The following DNAH9 variants were observed in gnomAD, a reference collection of about 807,000 sequenced individuals.
DNAH9 encodes DNAH9 variant protein.
A neutral mutation model predicts 471.6 loss-of-function variants in DNAH9; 345 were observed. That is an observed-to-expected ratio of 0.73 (90% CI 0.67 to 0.80). The LOEUF (loss-of-function observed/expected upper bound fraction) is 0.80. Among genes scored for constraint, DNAH9 ranks in the 30% least tolerant of loss-of-function variants. The pLI, the probability that DNAH9 is intolerant of heterozygous loss-of-function variation, is 0.00. For missense variants in DNAH9, 5,407 were observed against 5,609.2 expected, an observed-to-expected ratio of 0.96 and a Z score of 1.15; for synonymous variants, 2,093 against 2,123.6, an observed-to-expected ratio of 0.99 and a Z score of 0.40.
Position 11,892,313 on chromosome 17 carries a change from G to A in DNAH9, c.11283+366G>A, listed in dbSNP as rs181666534. On this transcript the variant is annotated intron_variant, in intron 58 of 68. Transcript: ENST00000262442. This position sits in a 1 kb window ranked among gnomAD's most constrained non-coding sequence, Gnocchi z 4.3. ...TTTTTGAAATGCTGTAAGAAATTTG[G>A]TAGAGTATCCATCATTGTTTATTTA... Among the ~76,000 whole-genome samples the A allele has an allele frequency of 3.3e-5, 5 of 152,286 alleles. No homozygotes were observed. The highest frequency in any genetic ancestry group is 3.3e-4 in the Admixed American group (5 of 15,300).
intron 67 of DNAH9, among the ~76,000 whole-genome samples, chr17:11,945,815 T>A (rs1035047349): frequency 1.3e-5 from 2 of 151,954 alleles, no homozygotes; most frequent in African/African-American, 4.8e-5. Context: ...TCCCAGCACT[T>A]TGGGAGGCCG....
intron 17 of DNAH9, among the ~76,000 whole-genome samples, chr17:11,675,995 T>A (rs895531705): frequency 6.6e-6 from 1 of 152,162 alleles, no homozygotes; most frequent in Non-Finnish European, 1.5e-5. Context: ...TGGTGTAATC[T>A]TGAAATTTTC....
intron 19 of DNAH9, among the ~76,000 whole-genome samples, chr17:11,684,271 A>G (rs2074194939): frequency 6.6e-6 from 1 of 152,190 alleles, no homozygotes; most frequent in Non-Finnish European, 1.5e-5. Context: ...TGTCTTATTA[A>G]GCCCTTGCAG....
intron 22 of DNAH9, among the ~76,000 whole-genome samples, chr17:11,696,910 C>G (rs1308180489): frequency 6.6e-6 from 1 of 152,006 alleles, no homozygotes; most frequent in Non-Finnish European, 1.5e-5. Context: ...TGCTCTGTCA[C>G]CCAGGCTGGA....
At chr17:11,665,550 A>G (rs1199618879) in intron 15 of DNAH9, among the ~76,000 whole-genome samples, 2 of 151,866 alleles carry the variant, frequency 1.3e-5, no homozygotes, top group African/African-American at 4.8e-5. Context: ...AAACAATTAA[A>G]GGCTTTGAAT....
intron 60 of DNAH9, among the ~76,000 whole-genome samples, chr17:11,903,975 G>A (rs190755545): frequency 4.5e-4 from 69 of 152,222 alleles, no homozygotes; most frequent in African/African-American, 1.4e-3. Context: ...TCCTCCATTC[G>A]TAGTGGCCCC....
intron 49 of DNAH9, among the ~76,000 whole-genome samples, chr17:11,852,254 A>T (rs1166608689): frequency 6.6e-6 from 1 of 152,224 alleles, no homozygotes; most frequent in Non-Finnish European, 1.5e-5. Context: ...TGACAAAGTT[A>T]GCGCCATAAG....
chr17:11,750,058 G>C (rs1021614683), intron 32 of DNAH9, among the ~76,000 whole-genome samples: 1 of 152,000 alleles, frequency 6.6e-6, no homozygotes, highest in African/African-American at 2.4e-5. Context: ...TTAAATTTGG[G>C]AAAATTGACA....
intron 61 of DNAH9, among the ~76,000 whole-genome samples, chr17:11,918,633 C>G (rs371232707): frequency 1.3e-5 from 2 of 151,984 alleles, no homozygotes; most frequent in African/African-American, 4.8e-5. Context: ...TTGTGGTGAG[C>G]GAAACTGATT....
chr17:11,809,450 G>A (rs1969807599), intron 44 of DNAH9, among the ~76,000 whole-genome samples: 1 of 152,000 alleles, frequency 6.6e-6, no homozygotes, highest in African/African-American at 2.4e-5. Context: ...ACCTGTAGAT[G>A]CAGCTACTTG....
chr17:11,779,397 A>G (rs960120635), intron 38 of DNAH9, among the ~76,000 whole-genome samples: 2 of 152,124 alleles, frequency 1.3e-5, no homozygotes, highest in African/African-American at 4.8e-5. Flanking sequence ...CCTAGGTGTG[A>G]CATGGAGCAC....
At chr17:11,926,360 G>A (rs1006957941) in intron 62 of DNAH9, among the ~76,000 whole-genome samples, 1 of 151,966 alleles carries the variant, frequency 6.6e-6, no homozygotes, top group Non-Finnish European at 1.5e-5. Context: ...CATCACCTAG[G>A]TATTAAGCCC....
chr17:11,708,054 G>C (rs552592475), intron 26 of DNAH9, among the ~76,000 whole-genome samples: 3 of 147,968 alleles, frequency 2.0e-5, no homozygotes, highest in South Asian at 2.2e-4. Context: ...GAGAGAGAGA[G>C]AGCAGGTAAC....
At position 11,793,637 on chromosome 17, in the gene DNAH9, G is replaced by C. The variant is rs756614569; in HGVS notation, c.8196G>C (p.Gln2732His). ...ACTTTGATCTTTTTGATAAAATCCA[G>C]ACAGAAGTGCTCAAGAAAACTTTTG... Reference protein sequence around the residue: ...EKDFDLFDKIQTEVLKKTFDD... With the variant: ...EKDFDLFDKIHTEVLKKTFDD... The change falls in exon 42 of 69, where the codon CAG becomes CAC. Residue 2732 changes from glutamine to histidine, a missense_variant. This residue lies in a region of DNAH9 where 4,636 missense variants were observed against 4,900.3 expected (regional missense o/e 0.95). Transcript: ENST00000262442. The C allele has an allele frequency of 3.7e-6, 6 of 1,612,682 alleles. No individual in the cohort carries two copies. The South Asian group carries it at 6.6e-5, about 18-fold the overall frequency.
intron 48 of DNAH9, among the ~76,000 whole-genome samples, chr17:11,825,204 C>T (rs760556444): frequency 1.3e-5 from 2 of 151,834 alleles, no homozygotes; most frequent in Non-Finnish European, 2.9e-5. Context: ...ATCTTTTCTC[C>T]TGATCACTTT....
rs137981112 is a variant in DNAH9 at position 11,604,439 on chromosome 17, C to G, written c.418-3690C>G. Among the ~76,000 whole-genome samples the G allele has an allele frequency of 3.0e-3, 463 of 152,248 alleles. 3 individuals are homozygous for G. In the Middle Eastern group the frequency reaches 0.044, roughly 15 times the overall value. On this transcript the variant is annotated intron_variant, in intron 1 of 68. Coordinates refer to ENST00000262442, the MANE Select transcript of DNAH9 (RefSeq NM_001372.4). ...CATTCAATTTCAAAGTTCCACAAGC[C>G]ATTTGTATCTGACACCTCCCAAATT...
At chr17:11,914,809 C>T (rs569630746) in intron 61 of DNAH9, among the ~76,000 whole-genome samples, 2 of 152,248 alleles carry the variant, frequency 1.3e-5, no homozygotes, top group South Asian at 4.1e-4. Flanking sequence ...TAAGCTGTGC[C>T]TAGTTGTGGG....
intron 36 of DNAH9, among the ~76,000 whole-genome samples, chr17:11,767,755 G>A (rs1968019699): frequency 6.6e-6 from 1 of 152,052 alleles, no homozygotes; most frequent in Non-Finnish European, 1.5e-5. Context: ...TGGGTATACA[G>A]CCCCATGCGT....
At chr17:11,893,443 CT>C (rs1216840570) in intron 58 of DNAH9, among the ~76,000 whole-genome samples, 1 of 20,204 alleles carries the variant, frequency 4.9e-5, no homozygotes, top group Non-Finnish European at 2.0e-4. Context: ...ATAGCAAAGA[CT>C]TGAAAGACTT....
Sources: allele counts gnomAD v4.1 joint callset (sites outside exome capture counted in the v4.1 genomes callset), GRCh38; gene constraint gnomAD v4.1.1; regional missense constraint gnomAD v4.1.1; non-coding constraint Gnocchi (gnomAD v3.1); transcripts MANE v1.5; gene names NCBI Gene and HGNC (gene_info 2026-07-23, HGNC 2026-07-21).